Variants in WNK2 observed in about 807,000 individuals in gnomAD.
The protein encoded by WNK2 is serine/threonine-protein kinase WNK2.
WNK2 carries 67 observed loss-of-function variants against 192.1 expected under a neutral mutation model. The observed-to-expected ratio is 0.35, with a 90% confidence interval of 0.29 to 0.43. The LOEUF (loss-of-function observed/expected upper bound fraction) is 0.43, where lower values mean the gene tolerates loss of function less well. WNK2 is among the 20% of genes least tolerant of loss of function. WNK2 has a pLI of 1.00. For synonymous variants in WNK2, 1,439 were observed against 1,393.9 expected, an observed-to-expected ratio of 1.03 and a Z score of -0.72; for missense variants, 2,698 against 3,089.7, an observed-to-expected ratio of 0.87 and a Z score of 3.01.
At chr9:93,318,492 T>C (rs777655297) in intron 29 of WNK2, 6 of 1,614,002 alleles carry the variant, frequency 3.7e-6, no homozygotes, top group Non-Finnish European at 5.1e-6. Flanking sequence ...CGCTGGGCCA[T>C]GAGAAATCCG....
In WNK2 at chr9:93,252,985, C is replaced by T. The variant is rs1365473071; in HGVS notation, c.1937C>T (p.Ser646Phe). ...MLGSLADAAP[S>F]PAQCVCSPPV... ...GGCTCCCTTGCCGACGCAGCGCCGT[C>T]CCCGGCCCAGTGTGTGTGCAGCCCC... The change falls in exon 9 of 30, where the codon TCC (serine) becomes TTC (phenylalanine). Residue 646 changes from serine (S) to phenylalanine (F), a missense_variant. This residue lies in a region of WNK2 where 893 missense variants were observed against 909.0 expected (regional missense o/e 0.98). Coordinates refer to ENST00000427277, the MANE Select transcript of WNK2 (RefSeq NM_006648.4). 1.9e-6 allele frequency: 3 copies of T among 1,566,442 alleles called. No homozygotes were observed. Among genetic ancestry groups the T allele is most frequent in the Non-Finnish European group, 2.6e-6 (3 of 1,157,126 alleles).
In WNK2 at chr9:93,211,215, C is replaced by T. The variant is rs1475909745; in HGVS notation, c.682-18481C>T. 1.2e-4 allele frequency among the ~76,000 whole-genome samples: 17 copies of T among 145,780 alleles called. 3 individuals are homozygous for T. Among genetic ancestry groups the T allele is most frequent in the African/African-American group, 4.4e-4 (16 of 36,248 alleles). On this transcript the variant is annotated intron_variant, in intron 2 of 29. Coordinates refer to ENST00000427277, the MANE Select transcript of WNK2 (RefSeq NM_006648.4). ...ACACTCACACATTTACTCATTCAAT[C>T]ACTCATCCACTCACTCACTCACTCA...
chr9:93,315,782 CTTGTGTGTGTGTGTGTGTGT>C (rs1355578976), intron 28 of WNK2: 2 of 117,018 alleles, frequency 1.7e-5, no homozygotes, highest in Non-Finnish European at 3.3e-5. Context: ...TTGAAGACCC[CTTGTGTGTGTGTGTGTGTGT>C]GTGTGTGTGT....
Position 93,184,145 on chromosome 9 carries a change from G to A in WNK2, c.-243G>A, listed in dbSNP as rs1323437769. Among the ~76,000 whole-genome samples, 1 of 149,882 alleles carries A rather than the reference G, an allele frequency of 6.7e-6. No homozygotes were observed. The highest frequency in any genetic ancestry group is 6.6e-5 in the Admixed American group (1 of 15,090). On this transcript the variant is annotated 5_prime_UTR_variant, in exon 1 of 30. Coordinates refer to ENST00000427277, the MANE Select transcript of WNK2 (RefSeq NM_006648.4). ...GGGCGAACGGAGCCCCGCCCTCCCC[G>A]CGCGCCGGGTCGGAGCCGGTGCGGG... is the stretch of plus-strand genomic sequence containing the variant.
chr9:93,303,882 C>T (rs556591516), intron 26 of WNK2, among the ~76,000 whole-genome samples: 2 of 152,324 alleles, frequency 1.3e-5, no homozygotes, highest in East Asian at 3.9e-4. Context: ...GGTTTTGTCC[C>T]TGGATGCCCA....
rs147515244 is a variant in WNK2 at position 93,283,805 on chromosome 9, T to A, written c.4034-4983T>A. Among the ~76,000 whole-genome samples, 481 of 152,330 alleles carry A rather than the reference T, an allele frequency of 3.2e-3. 13 individuals are homozygous for A. Among genetic ancestry groups the A allele is most frequent in the Admixed American group, 0.029 (450 of 15,298 alleles). ...GCTGGTGGCTGGAATGTACACTGAC[T>A]TGTGCCCAAATTGCAGGCATAGCCC... is the stretch of plus-strand genomic sequence containing the variant. On this transcript the variant is annotated intron_variant, in intron 19 of 29. Transcript: ENST00000427277.
chr9:93,259,635 G>T lies in WNK2; in HGVS notation c.3066+21G>T. The T allele has an allele frequency of 6.5e-7, 1 of 1,537,002 alleles. No individual in the cohort carries two copies. Among genetic ancestry groups the T allele is most frequent in the Non-Finnish European group, 8.7e-7 (1 of 1,152,052 alleles). On this transcript the variant is annotated intron_variant, in intron 12 of 29. Coordinates refer to ENST00000427277, the MANE Select transcript of WNK2 (RefSeq NM_006648.4). The surrounding 1 kb of genome is among the most constrained non-coding windows in gnomAD (Gnocchi z 4.8). The stretch of plus-strand genomic sequence containing the variant: ...GCCAGGTAATCACCTGCTGGGCAGG[G>T]GCTCACCCTCCCAGCGTCTGGGGAC...
chr9:93,300,431 C>T (rs1371382019), intron 26 of WNK2: 1 of 333,310 alleles, frequency 3.0e-6, no homozygotes, highest in Non-Finnish European at 5.4e-6. Context: ...GCCCCGGGCA[C>T]CTCTGCCCAG....
chr9:93,234,658 G>C, intron 4 of WNK2, 150 bp from the exon 5 acceptor site: 1 of 908,512 alleles, frequency 1.1e-6, no homozygotes, highest in East Asian at 2.7e-5. Context: ...TGAGGGGCAG[G>C]GCTGGCCCTG....
chr9:93,270,926 C>T lies in WNK2; in HGVS notation c.4033+2180C>T, dbSNP rs189684968. On this transcript the variant is annotated intron_variant, in intron 19 of 29. Coordinates refer to ENST00000427277, the MANE Select transcript of WNK2 (RefSeq NM_006648.4). ...GCCACCTTGTCATTCATGGCACAGCCGCAGAATTGGGTGGTTTCTGTTCGA... is the reference window on the plus strand; with the variant it reads ...GCCACCTTGTCATTCATGGCACAGCTGCAGAATTGGGTGGTTTCTGTTCGA... Among the ~76,000 whole-genome samples the T allele has an allele frequency of 1.4e-4, 22 of 152,258 alleles. No homozygotes were observed. In the East Asian group the frequency reaches 1.7e-3, roughly 12 times the overall value.
At chr9:93,249,359 C>G (rs1188809826) in intron 8 of WNK2, among the ~76,000 whole-genome samples, 1 of 152,220 alleles carries the variant, frequency 6.6e-6, no homozygotes, top group Non-Finnish European at 1.5e-5. Context: ...CATCGACTGA[C>G]TGATGATTGC....
chr9:93,295,596 C>CAGT (rs1850125870), intron 23 of WNK2, among the ~76,000 whole-genome samples: 1 of 151,950 alleles, frequency 6.6e-6, no homozygotes, highest in Non-Finnish European at 1.5e-5. Flanking sequence ...CAAGGGGTTA[C>CAGT]AGGCCTCCAG....
Position 93,265,730 on chromosome 9 carries a change from G to A in WNK2, c.3696+1697G>A, listed in dbSNP as rs367834990. On this transcript the variant is annotated intron_variant, in intron 16 of 29. Coordinates refer to ENST00000427277, the MANE Select transcript of WNK2 (RefSeq NM_006648.4). ...AGCCACCAGCTGATGCTGCATGTGC[G>A]GCTGACGCTTCCAGTGCTTGCCTGC... 8.5e-5 allele frequency among the ~76,000 whole-genome samples: 13 copies of A among 152,326 alleles called. No homozygotes were observed. In the East Asian group the frequency reaches 9.6e-4, roughly 11 times the overall value.
chr9:93,294,947 C>T (rs1849988812), intron 23 of WNK2, among the ~76,000 whole-genome samples: 1 of 152,160 alleles, frequency 6.6e-6, no homozygotes, highest in Admixed American at 6.5e-5. Flanking sequence ...GGTGACTTGG[C>T]ATCTGATAGG....
At chr9:93,211,189 CACACTCACACATTTACTCATTCAA>C (rs1834502616) in intron 2 of WNK2, among the ~76,000 whole-genome samples, 1 of 118,714 alleles carries the variant, frequency 8.4e-6, no homozygotes, top group African/African-American at 3.2e-5. Flanking sequence ...CACTCATTCA[CACACTCACACATTTACTCATTCAA>C]TCACTCATCC....
chr9:93,299,399 T>TAA (rs374332748), intron 25 of WNK2, 138 bp downstream of exon 25: 36 of 697,592 alleles, frequency 5.2e-5, no homozygotes, highest in South Asian at 9.2e-5. Flanking sequence ...TTAAAAAGGA[T>TAA]AAAAAAAAAA....
rs1219157130 is a variant in WNK2, at chr9:93,229,126, A to G, written c.682-570A>G. 6.6e-6 allele frequency among the ~76,000 whole-genome samples: 1 copy of G among 152,130 alleles called. No homozygotes were observed. Among genetic ancestry groups the G allele is most frequent in the African/African-American group, 2.4e-5 (1 of 41,414 alleles). On this transcript the variant is annotated intron_variant, in intron 2 of 29. Coordinates refer to ENST00000427277, the MANE Select transcript of WNK2 (RefSeq NM_006648.4). This position sits in a 1 kb window ranked among gnomAD's most constrained non-coding sequence, Gnocchi z 4.9. Reference sequence around the variant, plus strand: ...TGGCTTGTGCAGACACAGTGGCCCAAGGGTCTGGGGAGGTGTCTGCTGTGT... The same window carrying G: ...TGGCTTGTGCAGACACAGTGGCCCAGGGGTCTGGGGAGGTGTCTGCTGTGT...
At chr9:93,263,170 C>T in intron 14 of WNK2, 2 of 389,918 alleles carry the variant, frequency 5.1e-6, no homozygotes, top group South Asian at 5.2e-5. Context: ...TTCCACCCTC[C>T]TGGGGTGCTG....
chr9:93,293,086 A>C lies in WNK2; in HGVS notation c.5621A>C (p.His1874Pro). 1 of 1,608,194 alleles carries C rather than the reference A, an allele frequency of 6.2e-7. No individual in the cohort carries two copies. The highest frequency in any genetic ancestry group is 8.5e-7 in the Non-Finnish European group (1 of 1,177,690). ...CCCACGATCAGCGTGACCTCCTTCC[A>C]TTCCCAGTCGTCCTACATCAGCAGC... Reference protein sequence around the residue: ...KVPTISVTSFHSQSSYISSDN... With the variant: ...KVPTISVTSFPSQSSYISSDN... The change falls in exon 23 of 30, where the codon CAT becomes CCT. Residue 1874 changes from histidine to proline, a missense_variant. By Grantham distance (77) the His-to-Pro change is moderately conservative (BLOSUM62 -2). This residue lies in a region of WNK2 where 1,098 missense variants were observed against 1,101.0 expected (regional missense o/e 1.00). Coordinates refer to ENST00000427277, the MANE Select transcript of WNK2 (RefSeq NM_006648.4).
Sources: allele counts gnomAD v4.1 joint callset (sites outside exome capture counted in the v4.1 genomes callset), GRCh38; gene constraint gnomAD v4.1.1; regional missense constraint gnomAD v4.1.1; non-coding constraint Gnocchi (gnomAD v3.1); transcripts MANE v1.5; gene names NCBI Gene and HGNC (gene_info 2026-07-23, HGNC 2026-07-21).